The following ST6GAL2 variants were observed in gnomAD, a reference collection of about 807,000 sequenced individuals.
The protein encoded by ST6GAL2 is beta-galactoside alpha-2,6-sialyltransferase 2.
In ST6GAL2, 24 loss-of-function variants were observed where a neutral mutation model predicts 37.5. The observed-to-expected ratio is 0.64, with a 90% CI of 0.46 to 0.90. The LOEUF is 0.90. Ranked by LOEUF, ST6GAL2 falls within the 40% of genes least tolerant of loss-of-function variation. The pLI is 0.00. For synonymous variants in ST6GAL2, 306 were observed against 295.1 expected (o/e 1.04, Z -0.38); for missense variants, 715 against 712.7 (o/e 1.00, Z -0.04).
At chr2:106,887,215 G>C (rs955953176), upstream of ST6GAL2, 1 of 152,422 alleles carries the variant, frequency 6.6e-6, no homozygotes, top group African/African-American at 2.4e-5. Context: ...GCGCAGGGGA[G>C]CGCAGCATCC....
At chr2:106,885,344 C>G (rs1462011903) in intron 1 of ST6GAL2, among the ~76,000 whole-genome samples, 1 of 152,106 alleles carries the variant, frequency 6.6e-6, no homozygotes, top group Non-Finnish European at 1.5e-5. Flanking sequence ...ACTTTCCCCC[C>G]AAAAGTGCTT....
Position 106,843,149 on chromosome 2 carries a change from G to T in ST6GAL2, c.829C>A (p.Arg277=), listed in dbSNP as rs1178047224. ...AGGGGCACGGCGGGCACCAGGCGCC[G>T]CCAGCCCAGCGCAGAAAAGGGCGCC... ...TEAPFSALGW[R]RLVPAVPLSQ... The change falls in exon 2 of 6, where the codon CGG becomes AGG. Residue 277 remains arginine, a synonymous_variant. Coordinates refer to ENST00000409382, the MANE Select transcript of ST6GAL2 (RefSeq NM_001142351.2). 6.4e-7 allele frequency: 1 copy of T among 1,559,304 alleles called. No individual in the cohort carries two copies. Among genetic ancestry groups the T allele is most frequent in the Middle Eastern group, 1.9e-4 (1 of 5,372 alleles).
At chr2:106,857,205 T>A (rs1677608330) in intron 1 of ST6GAL2, among the ~76,000 whole-genome samples, 1 of 152,224 alleles carries the variant, frequency 6.6e-6, no homozygotes, top group Admixed American at 6.5e-5. Flanking sequence ...TTGCTTTTTA[T>A]GATGGGATAC....
intron 1 of ST6GAL2, among the ~76,000 whole-genome samples, chr2:106,865,367 A>G (rs900720686): frequency 1.3e-5 from 2 of 152,190 alleles, no homozygotes; most frequent in African/African-American, 2.4e-5. Context: ...AGATGCAGAG[A>G]GCACATGCTT....
intron 1 of ST6GAL2, among the ~76,000 whole-genome samples, chr2:106,852,221 A>C (rs1199088698): frequency 6.6e-6 from 1 of 152,234 alleles, no homozygotes; most frequent in Non-Finnish European, 1.5e-5. Flanking sequence ...TAGCGGGAGG[A>C]CATCCCCCTC....
chr2:106,842,917 C>T (rs1676951290), intron 2 of ST6GAL2, 118 bp downstream of exon 2: 3 of 632,518 alleles, frequency 4.7e-6, no homozygotes, highest in African/African-American at 3.9e-5. Flanking sequence ...TTAGGAACAC[C>T]TGGTGCGGAG....
chr2:106,822,079 T>C (rs1290204934), intron 5 of ST6GAL2, among the ~76,000 whole-genome samples: 1 of 152,122 alleles, frequency 6.6e-6, no homozygotes, highest in Non-Finnish European at 1.5e-5. Flanking sequence ...TTGAAAACTT[T>C]TCCTCTAAGA....
Position 106,805,552 on chromosome 2 carries a change from G to T in ST6GAL2, c.*1126C>A, listed in dbSNP as rs975538658. ...AATTATATGGCTTTGTCATGCTGCT[G>T]ACATAAAACATATCTGCAAAAGCAA... On this transcript the variant is annotated 3_prime_UTR_variant, in exon 6 of 6. Transcript: ENST00000409382. 2.6e-5 allele frequency: 4 copies of T among 152,148 alleles called. No homozygotes were observed. The highest frequency in any genetic ancestry group is 2.6e-4 in the Admixed American group (4 of 15,270). The allele number at this position is 152,148 out of a possible 1,614,324, so 9.4% of individuals were successfully genotyped here. A position where few individuals can be genotyped will look rare whatever the true frequency, so the allele number is the denominator to read the frequency against.
Position 106,801,658 on chromosome 2 carries a change from C to T in ST6GAL2, c.*5020G>A, listed in dbSNP as rs1675267361. The T allele has an allele frequency of 1.3e-5, 2 of 152,172 alleles. No homozygotes were observed. Among genetic ancestry groups the T allele is most frequent in the Admixed American group, 1.3e-4 (2 of 15,278 alleles). 9.4% of individuals were successfully genotyped at this position (152,172 alleles called of 1,614,324 possible). On this transcript the variant is annotated 3_prime_UTR_variant, in exon 6 of 6. Coordinates refer to ENST00000409382, the MANE Select transcript of ST6GAL2 (RefSeq NM_001142351.2). Reference sequence around the variant, plus strand: ...GAAAAAAGTCTGTACATTGTGTATACATAAAAATATACAAAACCAAAATAG... The same window carrying T: ...GAAAAAAGTCTGTACATTGTGTATATATAAAAATATACAAAACCAAAATAG...
intron 2 of ST6GAL2, 125 bp from the exon 3 acceptor site, chr2:106,834,271 TGC>T (rs149295926): frequency 0.11 from 69,589 of 649,340 alleles, 6,771 homozygotes; most frequent in East Asian, 0.43. Context: ...AGTTAAGATA[TGC>T]CCACATGATT....
chr2:106,887,119 T>C (rs1679037655), upstream of ST6GAL2: 1 of 152,320 alleles, frequency 6.6e-6, no homozygotes, highest in Non-Finnish European at 1.5e-5. Flanking sequence ...TGAGTCTTTG[T>C]GTACCCTGTC....
intron 1 of ST6GAL2, among the ~76,000 whole-genome samples, chr2:106,853,552 C>CA (rs921875814): frequency 1.8e-4 from 27 of 152,300 alleles, no homozygotes; most frequent in African/African-American, 6.0e-4. Flanking sequence ...GGAGGAGAAT[C>CA]AGTGATTTCA....
At chr2:106,871,900 C>G (rs1678285441) in intron 1 of ST6GAL2, among the ~76,000 whole-genome samples, 1 of 152,194 alleles carries the variant, frequency 6.6e-6, no homozygotes, top group African/African-American at 2.4e-5. Context: ...AAGTATAGTA[C>G]AGTAAAATAC....
At position 106,843,582 on chromosome 2, in the gene ST6GAL2, A is replaced by T. The variant is rs1328977088; in HGVS notation, c.396T>A (p.Phe132Leu). The T allele has an allele frequency of 6.2e-7, 1 of 1,613,860 alleles. No homozygotes were observed. The highest frequency in any genetic ancestry group is 2.2e-5 in the East Asian group (1 of 44,866). Residue 132 changes from phenylalanine to leucine, a missense_variant, in exon 2 of 6, where the codon TTT becomes TTA. By Grantham distance (22) the Phe-to-Leu change is conservative. Around this residue, in one of 3 missense-constraint regions of ST6GAL2, gnomAD observed 512 missense variants for 488.8 expected, o/e 1.05. Coordinates refer to ENST00000409382, the MANE Select transcript of ST6GAL2 (RefSeq NM_001142351.2). ...GCCACCCTGGCTGACCAGCAGCAAA[A>T]AAGTAGTCGTCATCCTCCGGGTAGA... ...SAFYPEDDDYFFAAGQPGWHS... is the reference protein window; with the variant it reads ...SAFYPEDDDYLFAAGQPGWHS...
chr2:106,824,450 G>A (rs1676124185), intron 5 of ST6GAL2, among the ~76,000 whole-genome samples: 1 of 152,128 alleles, frequency 6.6e-6, no homozygotes, highest in Admixed American at 6.5e-5. Flanking sequence ...GGCTAACATG[G>A]TGAAACCCCG....
chr2:106,886,771 C>A (rs1002382040), upstream of ST6GAL2: 1 of 151,956 alleles, frequency 6.6e-6, no homozygotes, highest in Non-Finnish European at 1.5e-5. Flanking sequence ...TGGGCTGCCC[C>A]CTCCCCGCGC....
chr2:106,843,351 C>T lies in ST6GAL2; in HGVS notation c.627G>A (p.Lys209=), dbSNP rs757152539. The stretch of plus-strand genomic sequence containing the variant: ...TCAGCATTTTGGAAGAGACGTTCCC[C>T]TTCCAGAGCCGGTACAGGAAGGCCC... ...MSRAFLYRLW[K]GNVSSKMLNP... Residue 209 remains lysine (K), a synonymous_variant, in exon 2 of 6, where the codon AAG becomes AAA. Transcript: ENST00000409382. 6.2e-6 allele frequency: 10 copies of T among 1,614,014 alleles called. No homozygotes were observed. The highest frequency in any genetic ancestry group is 8.5e-6 in the Non-Finnish European group (10 of 1,180,022).
intron 1 of ST6GAL2, among the ~76,000 whole-genome samples, chr2:106,852,251 C>T (rs573560728): frequency 2.6e-5 from 4 of 152,306 alleles, no homozygotes; most frequent in East Asian, 1.9e-4. Flanking sequence ...TACAGTCCTG[C>T]GGGATTGCCA....
Position 106,843,129 on chromosome 2 carries a change from C to A in ST6GAL2, c.849G>T (p.Val283=). 1.3e-6 allele frequency: 2 copies of A among 1,566,944 alleles called. No homozygotes were observed. The highest frequency in any genetic ancestry group is 2.3e-5 in the East Asian group (1 of 42,694). The change falls in exon 2 of 6, where the codon GTG becomes GTT. Residue 283 remains valine, a synonymous_variant. Coordinates refer to ENST00000409382, the MANE Select transcript of ST6GAL2 (RefSeq NM_001142351.2). ...CGCGGGGGTGCAGCTGGCTCAGGGGCACGGCGGGCACCAGGCGCCGCCAGC... is the reference window on the plus strand; with the variant it reads ...CGCGGGGGTGCAGCTGGCTCAGGGGAACGGCGGGCACCAGGCGCCGCCAGC... ...ALGWRRLVPA[V]PLSQLHPRGL...
Sources: allele counts gnomAD v4.1 joint callset (sites outside exome capture counted in the v4.1 genomes callset), GRCh38; gene constraint gnomAD v4.1.1; regional missense constraint gnomAD v4.1.1; transcripts MANE v1.5; gene names NCBI Gene and HGNC (gene_info 2026-07-23, HGNC 2026-07-21).